Variants in SGCZ observed in about 807,000 individuals in gnomAD.
SGCZ encodes the protein sarcoglycan zeta, also known as zeta-sarcoglycan.
In SGCZ, 40 loss-of-function variants were observed where a neutral mutation model predicts 41.3. The ratio of observed to expected loss-of-function variants is 0.97; its 90% CI spans 0.75 to 1.26. The LOEUF (loss-of-function observed/expected upper bound fraction) is 1.26. SGCZ is among the 50% of genes most tolerant of loss of function. SGCZ has a pLI of 0.00. For synonymous variants in SGCZ, 206 were observed against 137.5 expected (o/e 1.50, Z -3.49); for missense variants, 552 against 369.8 (o/e 1.49, Z -4.04).
At chr8:14,338,091 G>T (rs1585380910) in intron 2 of SGCZ, among the ~76,000 whole-genome samples, 1 of 152,198 alleles carries the variant, frequency 6.6e-6, no homozygotes, top group Non-Finnish European at 1.5e-5. Flanking sequence ...GGCAGTTACT[G>T]CAATAAAGAA....
intron 3 of SGCZ, among the ~76,000 whole-genome samples, chr8:14,260,845 G>C (rs182437207): frequency 3.3e-4 from 50 of 152,074 alleles, no homozygotes; most frequent in Admixed American, 1.6e-3. Flanking sequence ...ACTATCTCAA[G>C]AACAAAAAAC....
At chr8:14,677,858 G>C (rs192066211) in intron 1 of SGCZ, among the ~76,000 whole-genome samples, 2 of 152,176 alleles carry the variant, frequency 1.3e-5, no homozygotes, top group Non-Finnish European at 2.9e-5. Flanking sequence ...AACATTGAAG[G>C]AGGAGAACGA....
chr8:14,451,374 T>G (rs1800588642), intron 2 of SGCZ, among the ~76,000 whole-genome samples: 1 of 152,188 alleles, frequency 6.6e-6, no homozygotes, highest in African/African-American at 2.4e-5. Context: ...TCCAATCTTA[T>G]TTCAGGGTAC....
chr8:14,177,033 G>A (rs761464571), intron 4 of SGCZ, among the ~76,000 whole-genome samples: 3 of 152,100 alleles, frequency 2.0e-5, no homozygotes, highest in East Asian at 1.9e-4. Flanking sequence ...TTTGTGTAAC[G>A]GTTGGTATAC....
At chr8:14,376,913 T>A (rs984690177) in intron 2 of SGCZ, among the ~76,000 whole-genome samples, 1 of 152,178 alleles carries the variant, frequency 6.6e-6, no homozygotes, top group African/African-American at 2.4e-5. Flanking sequence ...AGTGTGATAA[T>A]AAGAAATACA....
chr8:15,057,579 A>G (rs1235198851), intron 1 of SGCZ, among the ~76,000 whole-genome samples: 1 of 152,196 alleles, frequency 6.6e-6, no homozygotes, highest in East Asian at 1.9e-4. Flanking sequence ...AGCATTTACA[A>G]TAGACCAAAA....
chr8:14,311,700 G>C (rs1446235368), intron 3 of SGCZ, among the ~76,000 whole-genome samples: 1 of 152,156 alleles, frequency 6.6e-6, no homozygotes, highest in Non-Finnish European at 1.5e-5. Flanking sequence ...TTTGTCTAAA[G>C]TGATGGAGAA....
intron 1 of SGCZ, among the ~76,000 whole-genome samples, chr8:14,783,813 A>C (rs1800665106): frequency 6.6e-6 from 1 of 152,166 alleles, no homozygotes; most frequent in East Asian, 1.9e-4. Flanking sequence ...TTAATTTCCC[A>C]AAGTTTATTC....
chr8:14,571,262 C>T (rs999976777), intron 1 of SGCZ, among the ~76,000 whole-genome samples: 5 of 152,158 alleles, frequency 3.3e-5, no homozygotes, highest in East Asian at 1.9e-4. Flanking sequence ...GATCCAGTCA[C>T]CTTCCACCAG....
rs1417924846 is a variant in SGCZ at position 14,871,954 on chromosome 8, A to G, written c.40-317028T>C. ...TATATGTATATGTGTATATATATATATAGGACATATACACCATGGAACACT... is the reference window on the plus strand; with the variant it reads ...TATATGTATATGTGTATATATATATGTAGGACATATACACCATGGAACACT... On this transcript the variant is annotated intron_variant, in intron 1 of 7. Transcript: ENST00000382080. Among the ~76,000 whole-genome samples, 3 of 151,642 alleles carry G rather than the reference A, an allele frequency of 2.0e-5. No individual in the cohort carries two copies. The Admixed American group carries it at 2.0e-4, about 10-fold the overall frequency.
At chr8:14,761,657 C>G (rs1055051957) in intron 1 of SGCZ, among the ~76,000 whole-genome samples, 2 of 151,542 alleles carry the variant, frequency 1.3e-5, no homozygotes, top group African/African-American at 4.9e-5. Context: ...AGGAGATTAG[C>G]TGGGATTACC....
chr8:14,237,945 C>G (rs542069265), intron 3 of SGCZ, among the ~76,000 whole-genome samples: 1 of 152,194 alleles, frequency 6.6e-6, no homozygotes, highest in East Asian at 1.9e-4. Flanking sequence ...TGCACATCAA[C>G]GGTGTAGTAA....
At chr8:14,399,186 G>T (rs558703733) in intron 2 of SGCZ, among the ~76,000 whole-genome samples, 3 of 152,216 alleles carry the variant, frequency 2.0e-5, no homozygotes, top group Admixed American at 2.0e-4. Context: ...TCTTTCATCA[G>T]ATTATTTTCC....
intron 2 of SGCZ, among the ~76,000 whole-genome samples, chr8:14,494,783 T>G (rs1275093484): frequency 6.6e-6 from 1 of 152,174 alleles, no homozygotes; most frequent in African/African-American, 2.4e-5. Flanking sequence ...TTCAGATGGT[T>G]GTGTAGCTGG....
chr8:15,170,852 G>C (rs1181720572), intron 1 of SGCZ, among the ~76,000 whole-genome samples: 3 of 152,218 alleles, frequency 2.0e-5, no homozygotes, highest in Non-Finnish European at 4.4e-5. Context: ...GTAAGAAATT[G>C]TGAAACATCT....
At chr8:15,159,749 C>A (rs1166499173) in intron 1 of SGCZ, among the ~76,000 whole-genome samples, 2 of 57,894 alleles carry the variant, frequency 3.5e-5, no homozygotes, top group Non-Finnish European at 8.1e-5. Flanking sequence ...CACCCTCCCC[C>A]CCACCCCCGC....
intron 1 of SGCZ, among the ~76,000 whole-genome samples, chr8:14,628,840 C>A (rs1020707424): frequency 6.6e-6 from 1 of 152,100 alleles, no homozygotes; most frequent in Non-Finnish European, 1.5e-5. Flanking sequence ...CTTTCCTTGG[C>A]TACACAGCCT....
chr8:15,194,841 C>A (rs559769421), intron 1 of SGCZ, among the ~76,000 whole-genome samples: 1 of 152,148 alleles, frequency 6.6e-6, no homozygotes, highest in Non-Finnish European at 1.5e-5. Context: ...GGACTTCTGA[C>A]CTCCCAACCT....
chr8:15,218,501 T>A (rs575717542), intron 1 of SGCZ, among the ~76,000 whole-genome samples: 1 of 152,324 alleles, frequency 6.6e-6, no homozygotes, highest in Non-Finnish European at 1.5e-5. Context: ...CTTTTGATAT[T>A]ATTAAACTCA....
Sources: allele counts gnomAD v4.1 joint callset (sites outside exome capture counted in the v4.1 genomes callset), GRCh38; gene constraint gnomAD v4.1.1; transcripts MANE v1.5; gene names NCBI Gene and HGNC (gene_info 2026-07-23, HGNC 2026-07-21).